The following ROCK1 variants were observed in gnomAD, a reference collection of about 807,000 sequenced individuals.
ROCK1 encodes Rho associated coiled-coil containing protein kinase 1.
A neutral mutation model predicts 196.8 loss-of-function variants in ROCK1; 36 were observed. That is an observed-to-expected ratio of 0.18 (90% CI 0.14 to 0.24). ROCK1 has a LOEUF of 0.24. Among genes scored for constraint, ROCK1 ranks in the 10% least tolerant of loss-of-function variants. The pLI, the probability that ROCK1 is intolerant of heterozygous loss-of-function variation, is 1.00. For missense variants in ROCK1, 920 were observed against 1,562.0 expected, an observed-to-expected ratio of 0.59 and a Z score of 6.93; for synonymous variants, 443 against 515.9, an observed-to-expected ratio of 0.86 and a Z score of 1.91.
chr18:21,061,641 T>A (rs1422712228), intron 2 of ROCK1, among the ~76,000 whole-genome samples: 1 of 152,188 alleles, frequency 6.6e-6, no homozygotes, highest in African/African-American at 2.4e-5. Flanking sequence ...GATCTCAGGA[T>A]GGAATCCAGA....
chr18:21,088,149 T>C (rs1366796026), intron 1 of ROCK1, among the ~76,000 whole-genome samples: 1 of 152,210 alleles, frequency 6.6e-6, no homozygotes, highest in Admixed American at 6.5e-5. Flanking sequence ...ATTTGTGGAA[T>C]ACAGCTAAAT....
At chr18:21,049,727 T>C (rs2036189153) in intron 3 of ROCK1, 53 bp downstream of exon 3, 3 of 1,047,116 alleles carry the variant, frequency 2.9e-6, no homozygotes, top group Non-Finnish European at 4.3e-6. Flanking sequence ...AACACACAAG[T>C]GGATTATTTT....
In ROCK1 at chr18:20,947,907, C is replaced by T. The variant is rs1345926191; in HGVS notation, c.*3477G>A. 1.3e-5 allele frequency: 2 copies of T among 151,726 alleles called. No homozygotes were observed. The highest frequency in any genetic ancestry group is 4.8e-5 in the African/African-American group (2 of 41,272). The allele number at this position is 151,726 out of a possible 1,614,324, so 9.4% of individuals were successfully genotyped here. A position where few individuals can be genotyped will look rare whatever the true frequency, so the allele number is the denominator to read the frequency against. On this transcript the variant is annotated 3_prime_UTR_variant, in exon 33 of 33. Transcript: ENST00000399799. ...TGTGGATCACCTGAGGTCAGGAGTT[C>T]AAGACCAGGCTGGCCAACATGGTGA...
chr18:21,065,065 T>TC (rs924953627), intron 2 of ROCK1, among the ~76,000 whole-genome samples: 1 of 152,164 alleles, frequency 6.6e-6, no homozygotes, highest in Non-Finnish European at 1.5e-5. Flanking sequence ...AAGAACAGCC[T>TC]CCCAGCAAAG....
At chr18:20,969,595 A>G (rs2035406917) in intron 23 of ROCK1, among the ~76,000 whole-genome samples, 1 of 152,180 alleles carries the variant, frequency 6.6e-6, no homozygotes, top group Non-Finnish European at 1.5e-5. Context: ...AACGATAATA[A>G]AAACATTTAT....
chr18:21,016,296 A>G (rs928397497), intron 12 of ROCK1, among the ~76,000 whole-genome samples: 1 of 152,206 alleles, frequency 6.6e-6, no homozygotes, highest in Admixed American at 6.5e-5. Context: ...TTTGTCATCC[A>G]CGTTTAAGGA....
intron 1 of ROCK1, among the ~76,000 whole-genome samples, chr18:21,108,336 T>C (rs1370843804): frequency 6.6e-6 from 1 of 152,194 alleles, no homozygotes; most frequent in Non-Finnish European, 1.5e-5. Context: ...CCTTCATCTT[T>C]CACCCTCATT....
chr18:21,070,558 T>C lies in ROCK1; in HGVS notation c.149A>G (p.Lys50Arg). The change falls in exon 2 of 33, where the codon AAA (lysine) becomes AGA (arginine). Residue 50 changes from lysine (K) to arginine (R), a missense_variant. This residue lies in a region of ROCK1 where 234 missense variants were observed against 460.7 expected (regional missense o/e 0.51). Transcript: ENST00000399799. The stretch of plus-strand genomic sequence containing the variant: ...TCTGCTTAAAAAGTTGTCAATATTT[T>C]TGTTTTTTCTTAAGGCAGGAAAATC... ...DLDFPALRKN[K>R]NIDNFLSRYK... 1 of 1,602,618 alleles carries C rather than the reference T, an allele frequency of 6.2e-7. No individual in the cohort carries two copies. The highest frequency in any genetic ancestry group is 8.5e-7 in the Non-Finnish European group (1 of 1,172,380).
chr18:20,999,079 A>G (rs1172554449), intron 16 of ROCK1, among the ~76,000 whole-genome samples: 1 of 152,228 alleles, frequency 6.6e-6, no homozygotes, highest in African/African-American at 2.4e-5. Context: ...CTATAAGCCA[A>G]TATTCACGAG....
At chr18:21,026,939 C>CTTTTTTTTTT (rs1208782541) in intron 10 of ROCK1, among the ~76,000 whole-genome samples, 5 of 136,282 alleles carry the variant, frequency 3.7e-5, no homozygotes, top group South Asian at 2.4e-4. Context: ...CTTTTTCTTT[C>CTTTTTTTTTT]TTTTTTTTTT....
intron 23 of ROCK1, among the ~76,000 whole-genome samples, chr18:20,969,634 C>T (rs1244535518): frequency 1.3e-5 from 2 of 152,000 alleles, no homozygotes; most frequent in Non-Finnish European, 2.9e-5. Context: ...AATATATAAT[C>T]ATTACTTGTT....
chr18:21,080,912 A>C lies in ROCK1; in HGVS notation c.94-10299T>G, dbSNP rs1027398982. Among the ~76,000 whole-genome samples the C allele has an allele frequency of 2.0e-5, 3 of 152,176 alleles. No homozygotes were observed. In the East Asian group the frequency reaches 5.8e-4, roughly 29 times the overall value. On this transcript the variant is annotated intron_variant, in intron 1 of 32. Coordinates refer to ENST00000399799, the MANE Select transcript of ROCK1 (RefSeq NM_005406.3). ...AAGAAAGAAATACATAGTTCTACAA[A>C]TAGTTGGAGATTTCAATAATCCATT...
At chr18:21,023,807 G>C (rs2035934888) in intron 10 of ROCK1, 127 bp from the exon 11 acceptor site, 1 of 450,180 alleles carries the variant, frequency 2.2e-6, no homozygotes, top group East Asian at 3.6e-5. Flanking sequence ...TAAAAATTAA[G>C]TATAGGTTCA....
At chr18:21,102,629 C>T (rs1403892005) in intron 1 of ROCK1, among the ~76,000 whole-genome samples, 1 of 152,328 alleles carries the variant, frequency 6.6e-6, no homozygotes. Context: ...GTAATCCTTA[C>T]ACTTTGGGAA....
rs1411362421 is a variant in ROCK1 at position 20,949,871 on chromosome 18, A to G, written c.*1513T>C. ...GAAAACACATTGCAGTAAAAATTAA[A>G]GATACCCATCCATAAATTACTTTTA... is the stretch of plus-strand genomic sequence containing the variant. On this transcript the variant is annotated 3_prime_UTR_variant, in exon 33 of 33. Transcript: ENST00000399799. 9 of 152,706 alleles carry G rather than the reference A, an allele frequency of 5.9e-5. No homozygotes were observed. The allele number at this position is 152,706 out of a possible 1,614,324, so 9.5% of individuals were successfully genotyped here. A position where few individuals can be genotyped will look rare whatever the true frequency, so the allele number is the denominator to read the frequency against.
intron 2 of ROCK1, among the ~76,000 whole-genome samples, chr18:21,054,255 T>C (rs1308231487): frequency 6.6e-6 from 1 of 152,178 alleles, no homozygotes; most frequent in Non-Finnish European, 1.5e-5. Context: ...TTATCTCTAG[T>C]CTAGTCTCTC....
rs1328841271 is a variant in ROCK1, at chr18:20,950,416, TACTC to T, written c.*964_*967del. The stretch of plus-strand genomic sequence containing the variant: ...ATACATTTTTTGAAATTTCTATACT[TACTC>T]ATGGCAGTAAAATAATTATCTCAAA... On this transcript the variant is annotated 3_prime_UTR_variant, in exon 33 of 33. Transcript: ENST00000399799. 1 of 152,632 alleles carries T rather than the reference TACTC, an allele frequency of 6.6e-6. No homozygotes were observed. The highest frequency in any genetic ancestry group is 1.9e-4 in the East Asian group (1 of 5,188). The allele number at this position is 152,632 out of a possible 1,614,324, so 9.5% of individuals were successfully genotyped here.
At position 20,967,748 on chromosome 18, in the gene ROCK1, T is replaced by A; in HGVS notation, c.3192+4A>T. ...TCATATCCATACACACACAGAAACCTTACCGCTTGCATGTCATTCAGTTCC... is the reference window on the plus strand; with the variant it reads ...TCATATCCATACACACACAGAAACCATACCGCTTGCATGTCATTCAGTTCC... On this transcript the variant is annotated splice_donor_region_variant and intron_variant, in intron 26 of 32. Transcript: ENST00000399799. The A allele has an allele frequency of 4.4e-6, 7 of 1,586,696 alleles. No individual in the cohort carries two copies. The highest frequency in any genetic ancestry group is 6.0e-6 in the Non-Finnish European group (7 of 1,170,036).
chr18:21,086,906 AAAG>A (rs1439915908), intron 1 of ROCK1, among the ~76,000 whole-genome samples: 3 of 152,194 alleles, frequency 2.0e-5, no homozygotes, highest in Admixed American at 6.6e-5. Context: ...ATATATCAGA[AAAG>A]AAGAACAAAA....
Sources: gnomAD v4.1 joint callset for allele counts (sites outside exome capture counted in the v4.1 genomes callset) on GRCh38, gnomAD v4.1.1 for gene constraint, gnomAD v4.1.1 regional missense constraint, MANE v1.5 for transcripts, NCBI Gene and HGNC (gene_info 2026-07-23, HGNC 2026-07-21) for gene names.